SFMBT2: variants seen among roughly 807,000 people sequenced by gnomAD.
SFMBT2 encodes scm-like with four MBT domains protein 2.
SFMBT2 carries 38 observed loss-of-function variants against 110.1 expected under a neutral mutation model. That is an observed-to-expected ratio of 0.35 (90% CI 0.27 to 0.45). SFMBT2 has a LOEUF of 0.45. Ranked by LOEUF, SFMBT2 falls within the 20% of genes least tolerant of loss-of-function variation. The pLI is 1.00. For synonymous variants in SFMBT2, 425 were observed against 425.4 expected (o/e 1.00, Z 0.01); for missense variants, 1,011 against 1,094.9 (o/e 0.92, Z 1.08).
intron 5 of SFMBT2, chr10:7,284,362 A>T (rs745418502): frequency 7.6e-7 from 1 of 1,307,424 alleles, no homozygotes; most frequent in Admixed American, 3.7e-5. Flanking sequence ...TCCGTATCCA[A>T]CAACAAAAAA....
intron 4 of SFMBT2, among the ~76,000 whole-genome samples, chr10:7,349,961 C>T (rs1337262734): frequency 1.3e-5 from 2 of 152,144 alleles, no homozygotes; most frequent in Non-Finnish European, 2.9e-5. Flanking sequence ...GGCAATAAGG[C>T]TACGTCAGCA....
intron 4 of SFMBT2, among the ~76,000 whole-genome samples, chr10:7,331,731 G>T (rs764191596): frequency 1.3e-5 from 2 of 152,042 alleles, no homozygotes; most frequent in African/African-American, 2.4e-5. Flanking sequence ...ATGGGACCCT[G>T]TGCGCATCAC....
At chr10:7,260,606 ATC>A (rs1841161461) in intron 7 of SFMBT2, among the ~76,000 whole-genome samples, 1 of 152,094 alleles carries the variant, frequency 6.6e-6, no homozygotes, top group African/African-American at 2.4e-5. Flanking sequence ...TTGGTCACAA[ATC>A]TCTCCCTAAG....
chr10:7,177,522 C>T lies in SFMBT2; in HGVS notation c.1809-1357G>A, dbSNP rs149018068. Among the ~76,000 whole-genome samples the T allele has an allele frequency of 2.7e-4, 41 of 152,168 alleles. No homozygotes were observed. In the East Asian group the frequency reaches 5.4e-3, roughly 20 times the overall value. ...CTTTCAATGAGGTAATTAAATTAAA[C>T]GAGGTTATAAGGGTGGGGACCTAAT... On this transcript the variant is annotated intron_variant, in intron 16 of 20. Transcript: ENST00000397167.
In SFMBT2 at chr10:7,220,518, A is replaced by G; in HGVS notation, c.1223T>C (p.Phe408Ser). 2 of 1,614,178 alleles carry G rather than the reference A, an allele frequency of 1.2e-6. No homozygotes were observed. Among genetic ancestry groups the G allele is most frequent in the Non-Finnish European group, 1.7e-6 (2 of 1,180,016 alleles). The change falls in exon 11 of 21, where the codon TTC becomes TCC. Residue 408 changes from phenylalanine to serine, a missense_variant. By Grantham distance (155) the Phe-to-Ser change is radical. Around this residue, in one of 2 missense-constraint regions of SFMBT2, gnomAD observed 979 missense variants for 1,016.1 expected, o/e 0.96. Transcript: ENST00000397167. ...CFRNTSFSRG[F>S]TKNMKLEAVN... is the part of the protein sequence containing the mutation. ...AGCTTCAAGTTTCATGTTCTTTGTG[A>G]AACCTCGACTGAATGATGTCTGCAA...
At chr10:7,258,056 C>T (rs866611085) in intron 7 of SFMBT2, among the ~76,000 whole-genome samples, 1 of 152,158 alleles carries the variant, frequency 6.6e-6, no homozygotes, top group Admixed American at 6.5e-5. Flanking sequence ...CTCAGCCTCC[C>T]GGGTAGCTGG....
rs1588416909 is a variant in SFMBT2 at position 7,284,300 on chromosome 10, C to T, written c.526-150G>A. The T allele has an allele frequency of 4.9e-6, 7 of 1,440,142 alleles. No individual in the cohort carries two copies. In the East Asian group the frequency reaches 7.4e-5, roughly 15 times the overall value. 89.2% of individuals were successfully genotyped at this position (1,440,142 alleles called of 1,614,324 possible). On this transcript the variant is annotated intron_variant, in intron 5 of 20. Coordinates refer to ENST00000397167, the MANE Select transcript of SFMBT2 (RefSeq NM_001387889.1). ...TTCCCTCCACCCCATCCTTGCCCAGCCCATGCCCCACCCCTTCCCTTTCCT... is the reference window on the plus strand; with the variant it reads ...TTCCCTCCACCCCATCCTTGCCCAGTCCATGCCCCACCCCTTCCCTTTCCT...
chr10:7,356,128 A>G (rs1157714012), intron 4 of SFMBT2, among the ~76,000 whole-genome samples: 1 of 152,148 alleles, frequency 6.6e-6, no homozygotes, highest in Admixed American at 6.5e-5. Flanking sequence ...GCTGGAGACC[A>G]GTCCTGAAAA....
At chr10:7,353,024 T>C (rs1844374755) in intron 4 of SFMBT2, among the ~76,000 whole-genome samples, 2 of 151,268 alleles carry the variant, frequency 1.3e-5, no homozygotes, top group East Asian at 1.9e-4. Flanking sequence ...TAAATAAAAA[T>C]AAATAAATAA....
At chr10:7,233,884 C>G (rs1840180640) in intron 9 of SFMBT2, among the ~76,000 whole-genome samples, 1 of 152,256 alleles carries the variant, frequency 6.6e-6, no homozygotes, top group Non-Finnish European at 1.5e-5. Flanking sequence ...CAGACCTCAG[C>G]TGGCAGAACC....
intron 9 of SFMBT2, among the ~76,000 whole-genome samples, chr10:7,231,519 T>TTA (rs1472708740): frequency 9.8e-5 from 15 of 152,352 alleles, no homozygotes; most frequent in African/African-American, 3.4e-4. Flanking sequence ...TATAACTAAC[T>TTA]TCTAATGAGC....
chr10:7,344,745 T>A (rs891303285), intron 4 of SFMBT2, among the ~76,000 whole-genome samples: 4 of 151,774 alleles, frequency 2.6e-5, no homozygotes, highest in Admixed American at 6.6e-5. Flanking sequence ...GAAGGGTGGA[T>A]CATGAGGTCA....
intron 4 of SFMBT2, chr10:7,292,454 G>A: frequency 6.5e-6 from 1 of 153,958 alleles, no homozygotes; most frequent in Non-Finnish European, 1.4e-5. Context: ...TGATTCAACA[G>A]GATTGACAAG....
rs569474832 is a variant in SFMBT2, at chr10:7,178,711, T to C, written c.1809-2546A>G. On this transcript the variant is annotated intron_variant, in intron 16 of 20. Coordinates refer to ENST00000397167, the MANE Select transcript of SFMBT2 (RefSeq NM_001387889.1). ...GGTAATGAATTCACCAGTGTAAAACTGGCAACCAGAGCTACAAAAAGCAGA... is the reference window on the plus strand; with the variant it reads ...GGTAATGAATTCACCAGTGTAAAACCGGCAACCAGAGCTACAAAAAGCAGA... Among the ~76,000 whole-genome samples, 13 of 152,320 alleles carry C rather than the reference T, an allele frequency of 8.5e-5. No individual in the cohort carries two copies. The South Asian group carries it at 2.3e-3, about 27-fold the overall frequency.
At chr10:7,227,709 A>G in intron 10 of SFMBT2, 146 bp downstream of exon 10, 1 of 667,164 alleles carries the variant, frequency 1.5e-6, no homozygotes, top group Non-Finnish European at 2.5e-6. Flanking sequence ...CTGAAAGCAG[A>G]GCTTTCCAAA....
At chr10:7,186,728 C>T (rs115113162) in intron 16 of SFMBT2, among the ~76,000 whole-genome samples, 1 of 152,140 alleles carries the variant, frequency 6.6e-6, no homozygotes, top group African/African-American at 2.4e-5. Context: ...CCCATTTGCA[C>T]CAAAGAAAAT....
chr10:7,264,089 A>AG (rs1841306888), intron 7 of SFMBT2: 1 of 244,256 alleles, frequency 4.1e-6, no homozygotes, highest in African/African-American at 2.3e-5. Context: ...GTGTCCATGC[A>AG]GGGAAGGTCT....
chr10:7,234,064 C>T (rs866884150), intron 9 of SFMBT2, among the ~76,000 whole-genome samples: 1 of 152,196 alleles, frequency 6.6e-6, no homozygotes, highest in African/African-American at 2.4e-5. Context: ...AAACTACAAC[C>T]TCCCTCTTGA....
chr10:7,246,146 G>T, intron 8 of SFMBT2: 2 of 984,976 alleles, frequency 2.0e-6, no homozygotes, highest in Non-Finnish European at 2.4e-6. Flanking sequence ...AAGAGGAGGG[G>T]TGTATACGAA....
Sources: gnomAD v4.1 joint callset for allele counts (sites outside exome capture counted in the v4.1 genomes callset) on GRCh38, gnomAD v4.1.1 for gene constraint, gnomAD v4.1.1 regional missense constraint, MANE v1.5 for transcripts, NCBI Gene and HGNC (gene_info 2026-07-23, HGNC 2026-07-21) for gene names.